Variants in GNB5 observed in about 807,000 individuals in gnomAD.
GNB5 encodes the protein G protein subunit beta 5.
A neutral mutation model predicts 55.3 loss-of-function variants in GNB5; 37 were observed. The observed-to-expected ratio is 0.67, with a 90% CI of 0.51 to 0.88. The LOEUF is 0.88. Among genes scored for constraint, GNB5 ranks in the 40% least tolerant of loss-of-function variants. The probability of loss-of-function intolerance (pLI) is 0.00; values close to 1 mark genes in which losing one functional copy is unlikely to be tolerated. For missense variants in GNB5, 476 were observed against 515.3 expected (o/e 0.92, Z 0.74); for synonymous variants, 219 against 198.5 (o/e 1.10, Z -0.87).
chr15:52,122,377 C>G lies in GNB5; in HGVS notation c.*380G>C, dbSNP rs1424542401. 15 of 188,760 alleles carry G rather than the reference C, an allele frequency of 7.9e-5. No homozygotes were observed. The highest frequency in any genetic ancestry group is 1.1e-5 in the Non-Finnish European group (1 of 91,868). The allele number at this position is 188,760 out of a possible 1,614,324, so 11.7% of individuals were successfully genotyped here. ...CATCACAGTGCACATCGAGAAATAT[C>G]AGACTTTAAAGTGCTCTGAAAATGA... On this transcript the variant is annotated 3_prime_UTR_variant, in exon 13 of 13. Coordinates refer to ENST00000261837, the MANE Select transcript of GNB5 (RefSeq NM_016194.4).
intron 7 of GNB5, among the ~76,000 whole-genome samples, chr15:52,136,379 T>C (rs116226645): frequency 0.01 from 1,525 of 152,212 alleles, 26 homozygotes; most frequent in African/African-American, 0.034. Flanking sequence ...CTCTACTGAG[T>C]GTTTAAAACC....
At chr15:52,124,661 A>G (rs2033374760) in intron 11 of GNB5, 22 bp from the exon 12 acceptor site, 1 of 1,607,056 alleles carries the variant, frequency 6.2e-7, no homozygotes, top group South Asian at 1.1e-5. Flanking sequence ...GTGAGATGAT[A>G]GCTGTTAAGC....
At chr15:52,150,576 G>A (rs1049139356) in intron 4 of GNB5, among the ~76,000 whole-genome samples, 19 of 152,198 alleles carry the variant, frequency 1.2e-4, no homozygotes, top group East Asian at 1.9e-4. Context: ...TGCACCCATC[G>A]TGGTGGGAAC....
At chr15:52,188,239 C>T (rs769190937) in intron 1 of GNB5, among the ~76,000 whole-genome samples, 5 of 152,218 alleles carry the variant, frequency 3.3e-5, no homozygotes, top group East Asian at 3.9e-4. Context: ...GGCCTTAAGT[C>T]GTATCACATA....
chr15:52,185,755 T>TTTATTATC (rs59573946), intron 1 of GNB5, among the ~76,000 whole-genome samples: 2 of 95,964 alleles, frequency 2.1e-5, no homozygotes, highest in South Asian at 7.1e-4. Flanking sequence ...TTCATCTTTT[T>TTTATTATC]ATTATTATTA....
At chr15:52,182,302 G>A (rs1162506486) in intron 2 of GNB5, among the ~76,000 whole-genome samples, 1 of 152,218 alleles carries the variant, frequency 6.6e-6, no homozygotes, top group Non-Finnish European at 1.5e-5. Context: ...AGGGGGCCCA[G>A]GCAAGGCAGC....
chr15:52,152,093 C>T (rs1156250133), intron 4 of GNB5, among the ~76,000 whole-genome samples: 1 of 150,726 alleles, frequency 6.6e-6, no homozygotes, highest in Non-Finnish European at 1.5e-5. Context: ...AAAAAAAAAG[C>T]AAGTGCAATG....
chr15:52,130,132 A>G (rs2033538314), intron 9 of GNB5, among the ~76,000 whole-genome samples: 1 of 152,228 alleles, frequency 6.6e-6, no homozygotes, highest in Admixed American at 6.5e-5. Flanking sequence ...GCGAAGACAG[A>G]ATGAGCTATC....
In GNB5 at chr15:52,135,812, GCAGT is replaced by G. The variant is rs891178307; in HGVS notation, c.628-60_628-57del. 7 of 1,583,082 alleles carry G rather than the reference GCAGT, an allele frequency of 4.4e-6. No homozygotes were observed. The African/African-American group carries it at 5.5e-5, about 12-fold the overall frequency. On this transcript the variant is annotated intron_variant, in intron 7 of 12. Transcript: ENST00000261837. ...GTTGTGGTTATTGCTTATGCCGGGG[GCAGT>G]CAATCAGAGGCTTAACGTTCCGCAG...
chr15:52,182,258 G>C (rs1252035418), intron 2 of GNB5, among the ~76,000 whole-genome samples: 1 of 152,200 alleles, frequency 6.6e-6, no homozygotes, highest in South Asian at 2.1e-4. Flanking sequence ...TGAGACACTG[G>C]GTCATGGGGG....
chr15:52,141,266 C>T lies in GNB5; in HGVS notation c.501G>A (p.Leu167=). The T allele has an allele frequency of 6.2e-7, 1 of 1,613,626 alleles. No homozygotes were observed. Among genetic ancestry groups the T allele is most frequent in the Non-Finnish European group, 8.5e-7 (1 of 1,179,570 alleles). ...AGGGGTACACAGAACACTTATTATCCAAACCACTAGGATGGAAAGAAAGAA... is the reference window on the plus strand; with the variant it reads ...AGGGGTACACAGAACACTTATTATCTAAACCACTAGGATGGAAAGAAAGAA... The part of the protein sequence containing the change: ...PSGCAIACGG[L]DNKCSVYPLT... Residue 167 remains leucine, a synonymous_variant, in exon 7 of 13, where the codon TTG becomes TTA. Transcript: ENST00000261837.
chr15:52,173,965 C>T lies in GNB5; in HGVS notation c.238+5803G>A, dbSNP rs147610162. 6.4e-3 allele frequency among the ~76,000 whole-genome samples: 968 copies of T among 152,274 alleles called. 9 individuals carry two copies. Among genetic ancestry groups the T allele is most frequent in the Non-Finnish European group, 0.01 (682 of 68,024 alleles). Reference sequence around the variant, plus strand: ...CAGAACCAGTGGCGATACTATCTTACGGCAAAAGGGACTTTCTAGATGTGA... The same window carrying T: ...CAGAACCAGTGGCGATACTATCTTATGGCAAAAGGGACTTTCTAGATGTGA... On this transcript the variant is annotated intron_variant, in intron 3 of 12. Transcript: ENST00000261837.
At chr15:52,148,476 T>C (rs1453305913) in intron 5 of GNB5, among the ~76,000 whole-genome samples, 1 of 152,142 alleles carries the variant, frequency 6.6e-6, no homozygotes, top group Admixed American at 6.5e-5. Context: ...CTGGCCTGTG[T>C]GCGGTTGCAC....
intron 9 of GNB5, among the ~76,000 whole-genome samples, chr15:52,131,306 C>T (rs2141188795): frequency 6.6e-6 from 1 of 152,272 alleles, no homozygotes; most frequent in Non-Finnish European, 1.5e-5. Flanking sequence ...ATTTACATCG[C>T]ATTTACACTT....
chr15:52,177,428 C>A (rs758440297), intron 3 of GNB5, among the ~76,000 whole-genome samples: 1 of 151,620 alleles, frequency 6.6e-6, no homozygotes, highest in Non-Finnish European at 1.5e-5. Flanking sequence ...GAGGCTCAGG[C>A]GGGCAGATCA....
chr15:52,150,578 G>C (rs1239302275), intron 4 of GNB5, among the ~76,000 whole-genome samples: 1 of 152,326 alleles, frequency 6.6e-6, no homozygotes, highest in Middle Eastern at 3.4e-3. Context: ...CACCCATCGT[G>C]GTGGGAACCC....
At chr15:52,158,878 T>G (rs930744881) in intron 3 of GNB5, among the ~76,000 whole-genome samples, 10 of 152,088 alleles carry the variant, frequency 6.6e-5, no homozygotes, top group Non-Finnish European at 1.5e-4. Context: ...AGGGAAGAGA[T>G]GGAGCCATAA....
At chr15:52,153,869 G>C in intron 4 of GNB5, 71 bp downstream of exon 4, 2 of 1,345,506 alleles carry the variant, frequency 1.5e-6, no homozygotes, top group Admixed American at 1.8e-5. Context: ...TTTTGGAAAG[G>C]GACAGCTCTC....
At chr15:52,186,910 C>G (rs996115309) in intron 1 of GNB5, among the ~76,000 whole-genome samples, 7 of 152,108 alleles carry the variant, frequency 4.6e-5, no homozygotes, top group African/African-American at 1.7e-4. Flanking sequence ...ACAGGGCATC[C>G]CTTAGGGACA....
Sources: gnomAD v4.1 joint callset for allele counts (sites outside exome capture counted in the v4.1 genomes callset) on GRCh38, gnomAD v4.1.1 for gene constraint, MANE v1.5 for transcripts, NCBI Gene and HGNC (gene_info 2026-07-23, HGNC 2026-07-21) for gene names.